Variants in PCDHGA3 observed in about 807,000 individuals in gnomAD.
PCDHGA3 encodes the protein protocadherin gamma subfamily A, 3, also known as protocadherin gamma-A3.
A neutral mutation model predicts 58.5 loss-of-function variants in PCDHGA3; 40 were observed. The observed-to-expected ratio is 0.68, with a 90% CI of 0.53 to 0.89. The LOEUF (loss-of-function observed/expected upper bound fraction) is 0.89. PCDHGA3 is among the 40% of genes least tolerant of loss of function. PCDHGA3 has a pLI of 0.00. For missense variants in PCDHGA3, 1,223 were observed against 1,195.9 expected (o/e 1.02, Z -0.33); for synonymous variants, 530 against 525.7 (o/e 1.01, Z -0.11).
At chr5:141,370,380 G>A in intron 1 of PCDHGA3, 5 of 1,532,358 alleles carry the variant, frequency 3.3e-6, no homozygotes, top group Non-Finnish European at 4.4e-6. Flanking sequence ...GAAAGGCAAA[G>A]GCGCAGAGAG....
intron 1 of PCDHGA3, chr5:141,413,826 C>G (rs1363449): frequency 6.2e-7 from 1 of 1,613,180 alleles, no homozygotes; most frequent in Non-Finnish European, 8.5e-7. Flanking sequence ...TGGTCCTCAC[C>G]GCCTCCGACG....
intron 1 of PCDHGA3, chr5:141,392,593 C>T (rs986653235): frequency 1.0e-5 from 5 of 494,076 alleles, no homozygotes; most frequent in Admixed American, 7.6e-5. Flanking sequence ...CCGCTGTTCA[C>T]CTACTGGAAG....
intron 1 of PCDHGA3, chr5:141,355,123 G>A (rs1759719890): frequency 6.6e-7 from 1 of 1,515,214 alleles, no homozygotes; most frequent in African/African-American, 1.4e-5. Flanking sequence ...CTTTATTTTG[G>A]ACCCAGAAGA....
At chr5:141,388,877 G>A in intron 1 of PCDHGA3, 1 of 1,613,936 alleles carries the variant, frequency 6.2e-7, no homozygotes, top group Non-Finnish European at 8.5e-7. Flanking sequence ...AATGCACAGT[G>A]GAGGTAGAAG....
chr5:141,511,084 C>G lies in PCDHGA3; in HGVS notation c.2710C>G (p.Leu904Val). 1 of 1,614,236 alleles carries G rather than the reference C, an allele frequency of 6.2e-7. No homozygotes were observed. Among genetic ancestry groups the G allele is most frequent in the Non-Finnish European group, 8.5e-7 (1 of 1,180,030 alleles). The change falls in exon 4 of 4, where the codon CTG becomes GTG. Residue 904 changes from leucine (L) to valine (V), a missense_variant. Leu to Val is a conservative substitution (Grantham distance 32). Around this residue, in one of 3 missense-constraint regions of PCDHGA3, gnomAD observed 325 missense variants for 327.5 expected, o/e 0.99. Coordinates refer to ENST00000253812, the MANE Select transcript of PCDHGA3 (RefSeq NM_018916.4). Reference sequence around the variant, plus strand: ...CTACATCCCAGGCAGCAATGCCACACTGACCAACGCAGCTGGCAAGCGGGA... The same window carrying G: ...CTACATCCCAGGCAGCAATGCCACAGTGACCAACGCAGCTGGCAAGCGGGA... ...NVYIPGSNAT[L>V]TNAAGKRDGK...
intron 1 of PCDHGA3, chr5:141,361,414 G>C (rs767003818): frequency 1.2e-6 from 2 of 1,613,876 alleles, no homozygotes; most frequent in East Asian, 2.2e-5. Context: ...AGCCACCGAC[G>C]GGGGCAAGCC....
intron 1 of PCDHGA3, chr5:141,371,027 C>T (rs1393819856): frequency 6.2e-7 from 1 of 1,613,874 alleles, no homozygotes; most frequent in African/African-American, 1.3e-5. Context: ...ACCACCTGGT[C>T]CTCACAGCTG....
intron 1 of PCDHGA3, chr5:141,393,217 T>C (rs760159490): frequency 1.2e-6 from 2 of 1,613,564 alleles, no homozygotes; most frequent in Admixed American, 3.3e-5. Flanking sequence ...AAATTCCAGG[T>C]CGAAGATCTA....
At position 141,417,952 on chromosome 5, in the gene PCDHGA3, G is replaced by C. The variant is rs766243694; in HGVS notation, c.2424+71495G>C. 10 of 1,613,510 alleles carry C rather than the reference G, an allele frequency of 6.2e-6. No individual in the cohort carries two copies. In the African/African-American group the frequency reaches 1.3e-4, roughly 22 times the overall value. On this transcript the variant is annotated intron_variant, in intron 1 of 3. Coordinates refer to ENST00000253812, the MANE Select transcript of PCDHGA3 (RefSeq NM_018916.4). ...CTTTGTTCTACCCCACGCTGTGTGA[G>C]CCGATCCGCTACTCGATTCCGGAGG...
intron 1 of PCDHGA3, chr5:141,388,663 C>G: frequency 1.9e-6 from 3 of 1,613,928 alleles, no homozygotes; most frequent in East Asian, 2.2e-5. Flanking sequence ...CCGGGGACCA[C>G]GGTGCTACAG....
intron 1 of PCDHGA3, chr5:141,389,470 C>T (rs776427212): frequency 1.2e-6 from 2 of 1,613,240 alleles, no homozygotes; most frequent in East Asian, 2.2e-5. Context: ...TTCGAACTCA[C>T]ACTGCAGGCC....
intron 1 of PCDHGA3, chr5:141,355,859 C>G: frequency 6.2e-7 from 1 of 1,612,324 alleles, no homozygotes; most frequent in Non-Finnish European, 8.5e-7. Context: ...GGAGGTGACC[C>G]GGTTCGCTCT....
intron 1 of PCDHGA3, among the ~76,000 whole-genome samples, chr5:141,448,831 G>C (rs985602153): frequency 4.6e-5 from 7 of 152,096 alleles, no homozygotes; most frequent in Non-Finnish European, 7.4e-5. Flanking sequence ...TGTAGTCCCA[G>C]CTACTCTGGA....
At position 141,344,690 on chromosome 5, in the gene PCDHGA3, C is replaced by T. The variant is rs1561488400; in HGVS notation, c.657C>T (p.Asp219=). The T allele has an allele frequency of 1.2e-6, 2 of 1,613,972 alleles. No homozygotes were observed. Among genetic ancestry groups the T allele is most frequent in the Non-Finnish European group, 1.7e-6 (2 of 1,179,894 alleles). Residue 219 remains aspartate, a synonymous_variant, in exon 1 of 4, where the codon GAC becomes GAT. Coordinates refer to ENST00000253812, the MANE Select transcript of PCDHGA3 (RefSeq NM_018916.4). ...TCCTGGTTGCCTCTGATGGTGGCGA[C>T]CCTGTCCACTCTGGCAACTTGCACA... ...QLVLVASDGG[D]PVHSGNLHIQ...
intron 1 of PCDHGA3, chr5:141,383,630 T>C: frequency 6.2e-7 from 1 of 1,613,986 alleles, no homozygotes; most frequent in Non-Finnish European, 8.5e-7. Context: ...GTCTTCTCTC[T>C]GCCTCAGTAC....
chr5:141,500,277 C>T (rs1595660442), intron 2 of PCDHGA3, among the ~76,000 whole-genome samples: 1 of 151,718 alleles, frequency 6.6e-6, no homozygotes, highest in Non-Finnish European at 1.5e-5. Context: ...GGCGCAATCT[C>T]GGCTCACTGC....
Position 141,431,228 on chromosome 5 carries a change from GC to G in PCDHGA3, c.2425-63577del. The G allele has an allele frequency of 6.2e-7, 1 of 1,614,118 alleles. No homozygotes were observed. Among genetic ancestry groups the G allele is most frequent in the Non-Finnish European group, 8.5e-7 (1 of 1,180,030 alleles). On this transcript the variant is annotated intron_variant, in intron 1 of 3. Transcript: ENST00000253812. This position sits in a 1 kb window ranked among gnomAD's most constrained non-coding sequence, Gnocchi z 4.8. ...TGAGATGCGGTTCCCTCTACCCCAC[GC>G]CTGGGATCCGGATATCGGGAAGAAC...
chr5:141,398,643 C>G, intron 1 of PCDHGA3: 2 of 1,614,024 alleles, frequency 1.2e-6, no homozygotes, highest in Non-Finnish European at 1.7e-6. Context: ...AGTATAAACT[C>G]TCTCTTAACC....
Position 141,489,902 on chromosome 5 carries a change from C to T in PCDHGA3, c.2425-4905C>T. The T allele has an allele frequency of 6.2e-7, 1 of 1,614,218 alleles. No individual in the cohort carries two copies. The highest frequency in any genetic ancestry group is 8.5e-7 in the Non-Finnish European group (1 of 1,180,032). On this transcript the variant is annotated intron_variant, in intron 1 of 3. Transcript: ENST00000253812. This position sits in a 1 kb window ranked among gnomAD's most constrained non-coding sequence, Gnocchi z 4.5. Reference sequence around the variant, plus strand: ...ACTGCTGTGGATGGGGGGACCCCAGCCCGCTCAGGGACCACCCTTATCTCT... The same window carrying T: ...ACTGCTGTGGATGGGGGGACCCCAGTCCGCTCAGGGACCACCCTTATCTCT...
Sources: gnomAD v4.1 joint callset for allele counts (sites outside exome capture counted in the v4.1 genomes callset) on GRCh38, gnomAD v4.1.1 for gene constraint, gnomAD v4.1.1 regional missense constraint, Gnocchi (gnomAD v3.1) non-coding constraint, MANE v1.5 for transcripts, NCBI Gene and HGNC (gene_info 2026-07-23, HGNC 2026-07-21) for gene names.